CBFA2T3: variants seen among roughly 807,000 people sequenced by gnomAD.
CBFA2T3 encodes the protein CBFA2/RUNX1 partner transcriptional co-repressor 3.
In CBFA2T3, 31 loss-of-function variants were observed where a neutral mutation model predicts 58.6. The ratio of observed to expected loss-of-function variants is 0.53; its 90% CI spans 0.40 to 0.71. CBFA2T3 has a LOEUF of 0.71. Ranked by LOEUF, CBFA2T3 falls within the 30% of genes least tolerant of loss-of-function variation. The probability of loss-of-function intolerance (pLI) is 0.00; values close to 1 mark genes in which losing one functional copy is unlikely to be tolerated. For synonymous variants in CBFA2T3, 531 were observed against 421.9 expected (o/e 1.26, Z -3.17); for missense variants, 1,076 against 963.1 (o/e 1.12, Z -1.55).
At chr16:88,927,120 G>C (rs138297237) in intron 1 of CBFA2T3, among the ~76,000 whole-genome samples, 3,050 of 152,292 alleles carry the variant, frequency 0.02, 49 homozygotes, top group African/African-American at 0.044. Flanking sequence ...CTCTGTCTCT[G>C]CCAGACGGAG....
intron 1 of CBFA2T3, among the ~76,000 whole-genome samples, chr16:88,916,384 GTGTA>G (rs896492186): frequency 1.3e-5 from 2 of 152,026 alleles, no homozygotes; most frequent in African/African-American, 2.4e-5. Context: ...ATACATGGGG[GTGTA>G]TGTATTCATA....
chr16:88,899,849 G>A (rs1431522629), intron 2 of CBFA2T3, among the ~76,000 whole-genome samples: 3 of 152,310 alleles, frequency 2.0e-5, no homozygotes, highest in South Asian at 2.1e-4. Flanking sequence ...CCCCGGGGCT[G>A]GGGTATACTG....
chr16:88,886,717 C>T (rs1969391527), intron 5 of CBFA2T3: 2 of 152,564 alleles, frequency 1.3e-5, no homozygotes, highest in African/African-American at 4.8e-5. Flanking sequence ...TCCCTTCCCG[C>T]TGGTTTCCAG....
intron 5 of CBFA2T3, 97 bp downstream of exon 5, chr16:88,891,785 C>T: frequency 1.2e-6 from 1 of 850,642 alleles, no homozygotes; most frequent in Non-Finnish European, 1.9e-6. Context: ...ACTTAAGCCC[C>T]TTCCCGCCTG....
At chr16:88,903,552 G>A (rs1970181624) in intron 1 of CBFA2T3, among the ~76,000 whole-genome samples, 1 of 152,172 alleles carries the variant, frequency 6.6e-6, no homozygotes, top group South Asian at 2.1e-4. Flanking sequence ...GGCCACAGCT[G>A]TGGGGGCCAT....
At chr16:88,957,059 C>A (rs945372029) in intron 1 of CBFA2T3, among the ~76,000 whole-genome samples, 18 of 152,208 alleles carry the variant, frequency 1.2e-4, no homozygotes, top group African/African-American at 4.1e-4. Context: ...GGGCCCTCTA[C>A]GTCTTTGTCA....
chr16:88,888,891 G>A (rs1269343673), intron 5 of CBFA2T3, among the ~76,000 whole-genome samples: 5 of 151,798 alleles, frequency 3.3e-5, no homozygotes, highest in Non-Finnish European at 7.4e-5. Flanking sequence ...GGAGACTGAG[G>A]TGGACACGGC....
At chr16:88,893,766 C>T (rs181288130) in intron 3 of CBFA2T3, among the ~76,000 whole-genome samples, 91 of 152,216 alleles carry the variant, frequency 6.0e-4, no homozygotes, top group Non-Finnish European at 1.1e-3. Context: ...GTCCCAGGGC[C>T]GGGCCTCACC....
intron 1 of CBFA2T3, among the ~76,000 whole-genome samples, chr16:88,924,021 CAA>C (rs989064725): frequency 1.3e-5 from 2 of 152,152 alleles, no homozygotes; most frequent in African/African-American, 4.8e-5. Context: ...ATGGTTACAG[CAA>C]AGACCGCGGG....
At chr16:88,877,521 GA>G (rs1247494514) in intron 11 of CBFA2T3, among the ~76,000 whole-genome samples, 8 of 152,170 alleles carry the variant, frequency 5.3e-5, no homozygotes, top group Admixed American at 5.2e-4. Context: ...GTGCTAACTG[GA>G]CAACGACCCC....
chr16:88,960,298 C>CAAA (rs925187525), intron 1 of CBFA2T3, among the ~76,000 whole-genome samples: 49 of 152,292 alleles, frequency 3.2e-4, no homozygotes, highest in African/African-American at 1.2e-3. Flanking sequence ...AATGGGACTG[C>CAAA]GTCACCTGCT....
At chr16:88,944,019 G>C (rs1971833464) in intron 1 of CBFA2T3, among the ~76,000 whole-genome samples, 1 of 152,112 alleles carries the variant, frequency 6.6e-6, no homozygotes, top group Admixed American at 6.5e-5. Flanking sequence ...GCTGTCTGTA[G>C]AGGCAGGAGC....
chr16:88,935,827 C>T (rs1224043008), intron 1 of CBFA2T3, among the ~76,000 whole-genome samples: 1 of 152,222 alleles, frequency 6.6e-6, no homozygotes, highest in Non-Finnish European at 1.5e-5. Context: ...ACACACATCC[C>T]AGCTCATCAC....
At chr16:88,925,270 C>T (rs1174593683) in intron 1 of CBFA2T3, among the ~76,000 whole-genome samples, 3 of 152,320 alleles carry the variant, frequency 2.0e-5, no homozygotes, top group African/African-American at 4.8e-5. Flanking sequence ...GGTGCAGCCG[C>T]AGCCGTGGTG....
At chr16:88,878,650 G>T (rs1038477215) in intron 11 of CBFA2T3, among the ~76,000 whole-genome samples, 1 of 152,196 alleles carries the variant, frequency 6.6e-6, no homozygotes, top group African/African-American at 2.4e-5. Context: ...ACAGGCTAGA[G>T]AACACGGGTT....
At chr16:88,943,912 C>T (rs181074099) in intron 1 of CBFA2T3, among the ~76,000 whole-genome samples, 5 of 152,258 alleles carry the variant, frequency 3.3e-5, no homozygotes, top group Admixed American at 6.5e-5. Context: ...AGACCACGGG[C>T]GAGCAGGACC....
chr16:88,893,470 T>C (rs1332844827), intron 3 of CBFA2T3, among the ~76,000 whole-genome samples: 1 of 152,134 alleles, frequency 6.6e-6, no homozygotes, highest in Non-Finnish European at 1.5e-5. Context: ...CCATGAGCAA[T>C]GCCTTCATTT....
At position 88,885,528 on chromosome 16, in the gene CBFA2T3, G is replaced by A. The variant is rs910288139; in HGVS notation, c.894-259C>T. Among the ~76,000 whole-genome samples the A allele has an allele frequency of 4.6e-5, 7 of 152,260 alleles. No individual in the cohort carries two copies. Among genetic ancestry groups the A allele is most frequent in the South Asian group, 2.1e-4 (1 of 4,822 alleles). ...CCTGGGGCCTGGTGGTCAAAGAGCC[G>A]GACTCGCTGCTCTGGGAACGAGGAG... On this transcript the variant is annotated intron_variant, in intron 6 of 11. Coordinates refer to ENST00000268679, the MANE Select transcript of CBFA2T3 (RefSeq NM_005187.6). This position sits in a 1 kb window ranked among gnomAD's most constrained non-coding sequence, Gnocchi z 5.3.
intron 1 of CBFA2T3, among the ~76,000 whole-genome samples, chr16:88,946,245 TGTA>T (rs1971898703): frequency 6.6e-6 from 1 of 151,702 alleles, no homozygotes; most frequent in South Asian, 2.1e-4. Context: ...AGGCAGAGGT[TGTA>T]GTGGCAGTGA....
Sources: gnomAD v4.1 joint callset for allele counts (sites outside exome capture counted in the v4.1 genomes callset) on GRCh38, gnomAD v4.1.1 for gene constraint, Gnocchi (gnomAD v3.1) non-coding constraint, MANE v1.5 for transcripts, NCBI Gene and HGNC (gene_info 2026-07-23, HGNC 2026-07-21) for gene names.